CES4A: variants seen among roughly 807,000 people sequenced by gnomAD.
CES4A encodes carboxylesterase 4A, also known as carboxylesterase 6.
A neutral mutation model predicts 65.4 loss-of-function variants in CES4A; 48 were observed. The ratio of observed to expected loss-of-function variants is 0.73; its 90% CI spans 0.58 to 0.93. The LOEUF (loss-of-function observed/expected upper bound fraction) is 0.93, where lower values mean the gene tolerates loss of function less well. Among genes scored for constraint, CES4A ranks in the 40% least tolerant of loss-of-function variants. The probability of loss-of-function intolerance (pLI) is 0.00; values close to 1 mark genes in which losing one functional copy is unlikely to be tolerated. For missense variants in CES4A, 685 were observed against 728.5 expected (o/e 0.94, Z 0.69); for synonymous variants, 247 against 281.8 (o/e 0.88, Z 1.24).
Position 67,006,033 on chromosome 16 carries a change from TA to T in CES4A, c.1316-355del, listed in dbSNP as rs998141949. The T allele has an allele frequency of 5.3e-4, 118 of 221,144 alleles. 2 individuals carry two copies. Among genetic ancestry groups the T allele is most frequent in the East Asian group, 1.1e-3 (11 of 9,698 alleles). 13.7% of individuals were successfully genotyped at this position (221,144 alleles called of 1,614,324 possible). A position where few individuals can be genotyped will look rare whatever the true frequency, so the allele number is the denominator to read the frequency against. On this transcript the variant is annotated intron_variant, in intron 11 of 13. Coordinates refer to ENST00000648724, the Ensembl canonical transcript of CES4A. ...CTAGGGGAACATGTGGGTAACAGGT[TA>T]AAGGGGGGGGGGCTGGAAAATGCAG...
At chr16:66,991,801 G>T (rs1964414404) in intron 1 of CES4A, among the ~76,000 whole-genome samples, 1 of 152,074 alleles carries the variant, frequency 6.6e-6, no homozygotes, top group Admixed American at 6.6e-5. Flanking sequence ...TGCCCTATAA[G>T]GTTTTCAGAA....
At chr16:67,008,885 C>A in intron 13 of CES4A, 89 bp from the exon 14 acceptor site, 1 of 1,393,186 alleles carries the variant, frequency 7.2e-7, no homozygotes, top group Non-Finnish European at 9.9e-7. Flanking sequence ...ACCCCAAGTC[C>A]CAAGGGCAAA....
In CES4A at chr16:67,001,073, GCGGGGAT is replaced by G; in HGVS notation, c.536+84_536+90del. ...TGGGAAGGGAGGGGCGGGGCCTGGG[GCGGGGAT>G]GGGGGGGGTGGGGCCGCGAGGCGGG... On this transcript the variant is annotated intron_variant, in intron 4 of 13. Transcript: ENST00000648724. The surrounding 1 kb of genome is among the most constrained non-coding windows in gnomAD (Gnocchi z 4.1). 1 of 1,022,262 alleles carries G rather than the reference GCGGGGAT, an allele frequency of 9.8e-7. No individual in the cohort carries two copies. The allele number at this position is 1,022,262 out of a possible 1,614,324, so 63.3% of individuals were successfully genotyped here. A position where few individuals can be genotyped will look rare whatever the true frequency, so the allele number is the denominator to read the frequency against.
At position 66,988,732 on chromosome 16, in the gene CES4A, T is replaced by C. The variant is rs780209030; in HGVS notation, c.-41T>C. 4 of 1,553,094 alleles carry C rather than the reference T, an allele frequency of 2.6e-6. No homozygotes were observed. The Admixed American group carries it at 5.8e-5, about 23-fold the overall frequency. ...CCATCCACAGTGTTGCCATCCACAG[T>C]GTTGCCATCACTCCTGCCCACAGCA... On this transcript the variant is annotated 5_prime_UTR_variant, in exon 1 of 14. Transcript: ENST00000648724.
intron 5 of CES4A, among the ~76,000 whole-genome samples, chr16:67,002,110 C>T (rs531426351): frequency 8.5e-5 from 13 of 152,170 alleles, no homozygotes; most frequent in African/African-American, 2.9e-4. Flanking sequence ...GATAAAGAAA[C>T]GAAGGCCCAG....
intron 2 of CES4A, chr16:66,996,232 T>C: frequency 2.8e-6 from 1 of 355,726 alleles, no homozygotes; most frequent in Non-Finnish European, 5.5e-6. Flanking sequence ...AGACAGGGTT[T>C]CATTATGTTG....
chr16:67,003,248 C>G lies in CES4A; in HGVS notation c.796-8C>G. 6.2e-7 allele frequency: 1 copy of G among 1,613,794 alleles called. No individual in the cohort carries two copies. Among genetic ancestry groups the G allele is most frequent in the South Asian group, 1.1e-5 (1 of 91,066 alleles). On this transcript the variant is annotated splice_region_variant and splice_polypyrimidine_tract_variant and intron_variant, in intron 6 of 13. Coordinates refer to ENST00000648724, the Ensembl canonical transcript of CES4A. This position sits in a 1 kb window ranked among gnomAD's most constrained non-coding sequence, Gnocchi z 4.2. ...AGCACCACTGAGCATCCTTTCTTCTCTCTATAGAAGGTTGCCCACCTGGCT... is the reference window on the plus strand; with the variant it reads ...AGCACCACTGAGCATCCTTTCTTCTGTCTATAGAAGGTTGCCCACCTGGCT...
intron 1 of CES4A, among the ~76,000 whole-genome samples, chr16:66,990,371 G>A (rs1001197746): frequency 6.6e-6 from 1 of 152,084 alleles, no homozygotes; most frequent in Non-Finnish European, 1.5e-5. Context: ...CCTTTTCATT[G>A]TGTATTTATC....
At chr16:67,007,083 C>T (rs1311833352) in intron 13 of CES4A, 1 of 450,640 alleles carries the variant, frequency 2.2e-6, no homozygotes, top group African/African-American at 2.0e-5. Context: ...TTGGGCCCAG[C>T]CCCAGTACTG....
Position 67,000,718 on chromosome 16 carries a change from A to G in CES4A, c.341A>G (p.Glu114Gly), listed in dbSNP as rs1965232351. ...CGGTACAAGTGGCTGCGCTTCAGCG[A>G]GGACTGTCTGTACCTGAACGTGTAC... Residue 114 changes from glutamate to glycine, a missense_variant, in exon 3 of 14, where the codon GAG (glutamate) becomes GGG (glycine). By Grantham distance (98) the Glu-to-Gly change is moderately conservative. Transcript: ENST00000648724. This position sits in a 1 kb window ranked among gnomAD's most constrained non-coding sequence, Gnocchi z 4.2. 1.3e-6 allele frequency: 2 copies of G among 1,550,328 alleles called. No homozygotes were observed. The highest frequency in any genetic ancestry group is 2.7e-5 in the African/African-American group (2 of 73,124).
chr16:67,005,439 C>G (rs781430068), intron 11 of CES4A, 46 bp downstream of exon 11: 1 of 1,588,936 alleles, frequency 6.3e-7, no homozygotes, highest in Non-Finnish European at 8.6e-7. Context: ...CGTCCACTCT[C>G]CAGGTGTGCT....
chr16:67,004,060 C>T, intron 8 of CES4A, 24 bp from the exon 9 acceptor site: 1 of 1,612,882 alleles, frequency 6.2e-7, no homozygotes, highest in Non-Finnish European at 8.5e-7. Flanking sequence ...AGGAGACTGG[C>T]TGGAAATGCC....
Position 67,000,965 on chromosome 16 carries a change from A to G in CES4A, c.511A>G (p.Arg171Gly). ...AGTGGTGCTGGTGTTTCTGCAGCAC[A>G]GGCTCGGCATCTTCGGCTTCCTGAG... The change falls in exon 4 of 14, where the codon AGG becomes GGG. Residue 171 changes from arginine (R) to glycine (G), a missense_variant. Arg to Gly is a moderately radical substitution (Grantham distance 125). Transcript: ENST00000648724. The surrounding 1 kb of genome is among the most constrained non-coding windows in gnomAD (Gnocchi z 4.2). 1 of 1,611,638 alleles carries G rather than the reference A, an allele frequency of 6.2e-7. No homozygotes were observed.
At chr16:66,990,662 G>A (rs917638228) in intron 1 of CES4A, among the ~76,000 whole-genome samples, 1 of 151,874 alleles carries the variant, frequency 6.6e-6, no homozygotes, top group Non-Finnish European at 1.5e-5. Context: ...TCATGCCACT[G>A]CCTTCCAGCC....
intron 12 of CES4A, 112 bp from the exon 13 acceptor site, chr16:67,006,633 G>A: frequency 6.5e-7 from 1 of 1,539,584 alleles, no homozygotes; most frequent in Non-Finnish European, 8.9e-7. Context: ...AATCTGTTAT[G>A]CTCTCCCAAA....
exon 14 of CES4A, chr16:67,009,377 G>T: frequency 2.1e-6 from 1 of 471,156 alleles, no homozygotes; most frequent in Non-Finnish European, 3.8e-6. Flanking sequence ...TTGACATCCA[G>T]TTAGGCCAGG....
intron 1 of CES4A, among the ~76,000 whole-genome samples, chr16:66,990,450 A>C (rs1964300670): frequency 6.6e-6 from 1 of 152,188 alleles, no homozygotes; most frequent in Non-Finnish European, 1.5e-5. Context: ...TAATCCCAGC[A>C]TTTTGGGAGT....
intron 1 of CES4A, among the ~76,000 whole-genome samples, chr16:66,993,664 T>C (rs1388463763): frequency 6.6e-6 from 1 of 152,172 alleles, no homozygotes; most frequent in Non-Finnish European, 1.5e-5. Context: ...TGTTCCTTTG[T>C]AGATGAGCTG....
At chr16:66,994,100 C>CA (rs1016437282) in intron 1 of CES4A, among the ~76,000 whole-genome samples, 7 of 150,280 alleles carry the variant, frequency 4.7e-5, no homozygotes, top group African/African-American at 1.5e-4. Flanking sequence ...GACTCCATCT[C>CA]AAAAAAAGGA....
Sources: allele counts gnomAD v4.1 joint callset (sites outside exome capture counted in the v4.1 genomes callset), GRCh38; gene constraint gnomAD v4.1.1; non-coding constraint Gnocchi (gnomAD v3.1); transcripts MANE v1.5; gene names NCBI Gene and HGNC (gene_info 2026-07-23, HGNC 2026-07-21).